PPP2R5A: variants seen among roughly 807,000 people sequenced by gnomAD.
PPP2R5A encodes the protein serine/threonine-protein phosphatase 2A 56 kDa regulatory subunit alpha isoform.
Under a neutral mutation model 64.2 loss-of-function variants are expected in PPP2R5A, and 25 were observed. The observed-to-expected ratio is 0.39, with a 90% CI of 0.28 to 0.54. The LOEUF is 0.54. PPP2R5A is among the 20% of genes least tolerant of loss of function. PPP2R5A has a pLI of 0.67. For missense variants in PPP2R5A, 425 were observed against 576.3 expected (o/e 0.74, Z 2.69); for synonymous variants, 198 against 201.2 (o/e 0.98, Z 0.13).
At chr1:212,318,301 T>A (rs536565383) in intron 1 of PPP2R5A, among the ~76,000 whole-genome samples, 2 of 152,140 alleles carry the variant, frequency 1.3e-5, no homozygotes, top group African/African-American at 4.8e-5. Flanking sequence ...GTTTTTTTTT[T>A]AAGGTAATTC....
intron 1 of PPP2R5A, among the ~76,000 whole-genome samples, chr1:212,314,541 G>A (rs1360509038): frequency 1.3e-5 from 2 of 149,886 alleles, no homozygotes; most frequent in East Asian, 3.9e-4. Context: ...AACTACAGGT[G>A]TGTGCCACCA....
At chr1:212,328,150 T>G (rs564134925) in intron 1 of PPP2R5A, among the ~76,000 whole-genome samples, 1 of 152,168 alleles carries the variant, frequency 6.6e-6, no homozygotes. Context: ...GTGCTGAGTA[T>G]GTAAAATATA....
intron 1 of PPP2R5A, among the ~76,000 whole-genome samples, chr1:212,295,499 T>C (rs1327958094): frequency 6.6e-6 from 1 of 152,194 alleles, no homozygotes; most frequent in African/African-American, 2.4e-5. Flanking sequence ...AGTCTTTGGC[T>C]TACATGTGGC....
At chr1:212,318,740 TAG>T in intron 1 of PPP2R5A, among the ~76,000 whole-genome samples, 1 of 152,362 alleles carries the variant, frequency 6.6e-6, no homozygotes, top group East Asian at 1.9e-4. Context: ...ACAGACTATG[TAG>T]AGACTTTTTT....
At chr1:212,321,300 C>T (rs1293341410) in intron 1 of PPP2R5A, among the ~76,000 whole-genome samples, 2 of 143,368 alleles carry the variant, frequency 1.4e-5, no homozygotes, top group African/African-American at 5.2e-5. Flanking sequence ...CCGGACGGGG[C>T]GGCTGGCCGG....
chr1:212,296,953 T>G (rs1393314714), intron 1 of PPP2R5A, among the ~76,000 whole-genome samples: 5 of 152,208 alleles, frequency 3.3e-5, no homozygotes, highest in Non-Finnish European at 7.3e-5. Flanking sequence ...GGTTGCTGAT[T>G]CCTCTATTAA....
In PPP2R5A at chr1:212,307,260, G is replaced by GT. The variant is rs1057069165; in HGVS notation, c.181+20981dup. On this transcript the variant is annotated intron_variant, in intron 1 of 12. Coordinates refer to ENST00000261461, the MANE Select transcript of PPP2R5A (RefSeq NM_006243.4). ...TATTTTTCACTACATATTTTTGAGAGTTTTTTTTTTTTAGTGGCTGCCCTT... is the reference window on the plus strand; with the variant it reads ...TATTTTTCACTACATATTTTTGAGAGTTTTTTTTTTTTTAGTGGCTGCCCTT... 2.0e-3 allele frequency among the ~76,000 whole-genome samples: 280 copies of GT among 140,778 alleles called. 1 individual carries two copies. The highest frequency in any genetic ancestry group is 0.015 in the Middle Eastern group (4 of 272). 92.4% of individuals were successfully genotyped at this position (140,778 alleles called of 152,430 possible). A position where few individuals can be genotyped will look rare whatever the true frequency, so the allele number is the denominator to read the frequency against.
At chr1:212,327,227 T>A (rs1402259943) in intron 1 of PPP2R5A, among the ~76,000 whole-genome samples, 1 of 152,194 alleles carries the variant, frequency 6.6e-6, no homozygotes, top group Non-Finnish European at 1.5e-5. Context: ...TGAATATGAT[T>A]TTTAAAATTT....
In PPP2R5A at chr1:212,345,858, T is replaced by C. The variant is rs1195585084; in HGVS notation, c.629T>C (p.Val210Ala). ...AGAGAACGTGACTTCCTGAAGACTGTTCTGCACCGAATTTATGGGAAATTT... is the reference window on the plus strand; with the variant it reads ...AGAGAACGTGACTTCCTGAAGACTGCTCTGCACCGAATTTATGGGAAATTT... ...DPRERDFLKT[V>A]LHRIYGKFLG... Residue 210 changes from valine (V) to alanine (A), a missense_variant, in exon 5 of 13, where the codon GTT becomes GCT. Around this residue, in one of 4 missense-constraint regions of PPP2R5A, gnomAD observed 140 missense variants for 204.4 expected, o/e 0.68. Coordinates refer to ENST00000261461, the MANE Select transcript of PPP2R5A (RefSeq NM_006243.4). 1 of 1,612,650 alleles carries C rather than the reference T, an allele frequency of 6.2e-7. No individual in the cohort carries two copies. Among genetic ancestry groups the C allele is most frequent in the Non-Finnish European group, 8.5e-7 (1 of 1,179,278 alleles).
chr1:212,305,262 T>C (rs1249053083), intron 1 of PPP2R5A, among the ~76,000 whole-genome samples: 1 of 151,560 alleles, frequency 6.6e-6, no homozygotes, highest in African/African-American at 2.4e-5. Flanking sequence ...GGTCTCTATC[T>C]CCTGACCTTG....
chr1:212,289,381 A>G (rs923142570), intron 1 of PPP2R5A, among the ~76,000 whole-genome samples: 1 of 152,178 alleles, frequency 6.6e-6, no homozygotes, highest in Non-Finnish European at 1.5e-5. Flanking sequence ...TCATCCCTGA[A>G]CTTTTTGCAA....
In PPP2R5A at chr1:212,286,112, TGTCGTC is replaced by T. The variant is rs572979647; in HGVS notation, c.10_15del (p.SerSer4_?5). Reference sequence around the variant, plus strand: ...CTGCCAAGCGTCAGGGCCGCGGAGATGTCGTCGTCGTCGCCGCCGGCGGGGGCTGCC... The same window carrying T: ...CTGCCAAGCGTCAGGGCCGCGGAGATGTCGTCGCCGCCGGCGGGGGCTGCC... On this transcript the variant is annotated start_lost and inframe_deletion, in exon 1 of 13. Transcript: ENST00000261461. The T allele has an allele frequency of 3.8e-6, 6 of 1,567,066 alleles. No individual in the cohort carries two copies.
intron 4 of PPP2R5A, 98 bp from the exon 5 acceptor site, chr1:212,345,704 AT>A (rs1659765137): frequency 2.2e-6 from 3 of 1,333,930 alleles, no homozygotes; most frequent in Non-Finnish European, 3.0e-6. Context: ...ACTCTAAAAA[AT>A]TTTTAAAAGA....
At chr1:212,289,309 G>A (rs1658560916) in intron 1 of PPP2R5A, among the ~76,000 whole-genome samples, 2 of 152,176 alleles carry the variant, frequency 1.3e-5, no homozygotes, top group Admixed American at 6.5e-5. Flanking sequence ...GTAAGTAAGG[G>A]TAATACTGTT....
At chr1:212,346,199 TGTACTGTATGTAC>T (rs1204768324) in intron 5 of PPP2R5A, among the ~76,000 whole-genome samples, 1 of 151,988 alleles carries the variant, frequency 6.6e-6, no homozygotes, top group Non-Finnish European at 1.5e-5. Flanking sequence ...ACAAGGTCTA[TGTACTGTATGTAC>T]GTAGTATATA....
intron 5 of PPP2R5A, among the ~76,000 whole-genome samples, chr1:212,347,062 T>A (rs911917137): frequency 1.3e-5 from 2 of 152,228 alleles, no homozygotes; most frequent in Non-Finnish European, 2.9e-5. Context: ...AGGAAACTTA[T>A]CTTTCTTATT....
intron 1 of PPP2R5A, among the ~76,000 whole-genome samples, chr1:212,301,512 C>T (rs915136417): frequency 3.3e-5 from 5 of 152,096 alleles, no homozygotes; most frequent in Admixed American, 1.3e-4. Context: ...TCCTGAAATA[C>T]GATGTCTACA....
intron 8 of PPP2R5A, chr1:212,352,914 C>T (rs1659912725): frequency 1.9e-6 from 1 of 519,102 alleles, no homozygotes; most frequent in African/African-American, 1.9e-5. Context: ...GTTCTGTTTG[C>T]TGTAACTGAT....
intron 1 of PPP2R5A, among the ~76,000 whole-genome samples, chr1:212,296,795 A>G (rs1414864017): frequency 1.3e-5 from 2 of 152,270 alleles, no homozygotes; most frequent in African/African-American, 2.4e-5. Flanking sequence ...CATTTATATC[A>G]TACAATAATT....
Sources: allele counts gnomAD v4.1 joint callset (sites outside exome capture counted in the v4.1 genomes callset), GRCh38; gene constraint gnomAD v4.1.1; regional missense constraint gnomAD v4.1.1; transcripts MANE v1.5; gene names NCBI Gene and HGNC (gene_info 2026-07-23, HGNC 2026-07-21).